Variants in ALAD observed in about 807,000 individuals in gnomAD.
ALAD encodes aminolevulinate dehydratase, also known as delta-aminolevulinic acid dehydratase.
ALAD carries 20 observed loss-of-function variants against 44.4 expected under a neutral mutation model. That is an observed-to-expected ratio of 0.45 (90% CI 0.32 to 0.65). ALAD has a LOEUF of 0.65. Ranked by LOEUF, ALAD falls within the 30% of genes least tolerant of loss-of-function variation. The probability of loss-of-function intolerance (pLI) is 0.05; values close to 1 mark genes in which losing one functional copy is unlikely to be tolerated. For missense variants in ALAD, 323 were observed against 445.7 expected, an observed-to-expected ratio of 0.72 and a Z score of 2.48; for synonymous variants, 156 against 167.9, an observed-to-expected ratio of 0.93 and a Z score of 0.55.
Position 113,388,443 on chromosome 9 carries a change from G to A in ALAD, c.932-82C>T, listed in dbSNP as rs192226264. ...ACCTTCTGCGATGGGAAGGCCAGGCGGGGAAGAAGGCTACCATGAAGAAGC... is the reference window on the plus strand; with the variant it reads ...ACCTTCTGCGATGGGAAGGCCAGGCAGGGAAGAAGGCTACCATGAAGAAGC... On this transcript the variant is annotated intron_variant, in intron 11 of 11. Coordinates refer to ENST00000409155, the MANE Select transcript of ALAD (RefSeq NM_000031.6). 44 of 1,309,658 alleles carry A rather than the reference G, an allele frequency of 3.4e-5. 1 individual carries two copies. In the East Asian group the frequency reaches 8.5e-4, roughly 25 times the overall value. The allele number at this position is 1,309,658 out of a possible 1,614,324, so 81.1% of individuals were successfully genotyped here.
rs1486645309 is a variant in ALAD, at chr9:113,387,978, C to T, written c.*322G>A. On this transcript the variant is annotated 3_prime_UTR_variant, in exon 12 of 12. Transcript: ENST00000409155. The stretch of plus-strand genomic sequence containing the variant: ...GCTCCAAGACCCTCTCCCAGCCAGG[C>T]CCCAAAGGCTGTGCCCCCGACTCCA... 2 of 412,882 alleles carry T rather than the reference C, an allele frequency of 4.8e-6. No homozygotes were observed. Among genetic ancestry groups the T allele is most frequent in the East Asian group, 5.4e-5 (1 of 18,426 alleles). The allele number at this position is 412,882 out of a possible 1,614,324, so 25.6% of individuals were successfully genotyped here.
chr9:113,389,648 C>T lies in ALAD; in HGVS notation c.665G>A (p.Arg222His), dbSNP rs956235996. Reference sequence around the variant, plus strand: ...TGCTCCAGGGGGCAGCTGGTAGCAGCGGCGGTCCCCAAAAGCTGGGCTTGA... The same window carrying T: ...TGCTCCAGGGGGCAGCTGGTAGCAGTGGCGGTCCCCAAAAGCTGGGCTTGA... ...AKSSPAFGDR[R>H]CYQLPPGARG... is the part of the protein sequence containing the mutation. Residue 222 changes from arginine (R) to histidine (H), a missense_variant, in exon 9 of 12, where the codon CGC (arginine) becomes CAC (histidine). Transcript: ENST00000409155. 76 of 1,614,066 alleles carry T rather than the reference C, an allele frequency of 4.7e-5. No homozygotes were observed. The highest frequency in any genetic ancestry group is 5.8e-5 in the Non-Finnish European group (68 of 1,180,058).
Position 113,390,468 on chromosome 9 carries a change from G to A in ALAD, c.507C>T (p.Asp169=), listed in dbSNP as rs1827542129. The A allele has an allele frequency of 1.2e-6, 2 of 1,614,128 alleles. No homozygotes were observed. The highest frequency in any genetic ancestry group is 2.2e-5 in the East Asian group (1 of 44,868). ...KAGCQVVAPS[D]MMDGRVEAIK... ...TGGCTTCCACGCGTCCATCCATCATGTCCGACGGGGCTACCACCTGACATC... is the reference window on the plus strand; with the variant it reads ...TGGCTTCCACGCGTCCATCCATCATATCCGACGGGGCTACCACCTGACATC... Residue 169 remains aspartate (D), a synonymous_variant, in exon 7 of 12, where the codon GAC becomes GAT. Coordinates refer to ENST00000409155, the MANE Select transcript of ALAD (RefSeq NM_000031.6).
At chr9:113,392,030 T>A in intron 3 of ALAD, 89 bp downstream of exon 3, 2 of 1,285,434 alleles carry the variant, frequency 1.6e-6, no homozygotes, top group Non-Finnish European at 2.2e-6. Flanking sequence ...CATCTTCTAC[T>A]TCCTAGGTCT....
intron 1 of ALAD, among the ~76,000 whole-genome samples, chr9:113,395,583 G>A (rs1657419086): frequency 6.6e-6 from 1 of 152,232 alleles, no homozygotes. Context: ...GGAAGCTGGG[G>A]CATTAACATT....
intron 1 of ALAD, among the ~76,000 whole-genome samples, chr9:113,394,032 G>A (rs184340862): frequency 1.0e-3 from 151 of 150,438 alleles, no homozygotes; most frequent in African/African-American, 3.6e-3. Context: ...TTGACCTCCC[G>A]GGCTCAACTG....
rs560079133 is a variant in ALAD at position 113,387,798 on chromosome 9, C to T, written c.*502G>A. The T allele has an allele frequency of 4.7e-6, 1 of 211,266 alleles. No homozygotes were observed. Among genetic ancestry groups the T allele is most frequent in the East Asian group, 1.1e-4 (1 of 9,020 alleles). The allele number at this position is 211,266 out of a possible 1,614,324, so 13.1% of individuals were successfully genotyped here. A position where few individuals can be genotyped will look rare whatever the true frequency, so the allele number is the denominator to read the frequency against. ...CCTCAGGCAGCCTGGCAACCTCTGGCCTCGTGGGAAATGCCTTCCAGTGGA... is the reference window on the plus strand; with the variant it reads ...CCTCAGGCAGCCTGGCAACCTCTGGTCTCGTGGGAAATGCCTTCCAGTGGA... On this transcript the variant is annotated 3_prime_UTR_variant, in exon 12 of 12. Transcript: ENST00000409155.
chr9:113,399,629 C>T (rs1267613333), intron 1 of ALAD, among the ~76,000 whole-genome samples: 4 of 152,214 alleles, frequency 2.6e-5, no homozygotes, highest in Non-Finnish European at 4.4e-5. Flanking sequence ...ATGAAAGTAT[C>T]TCCTCCCATG....
chr9:113,400,869 CG>C (rs1381675404), intron 1 of ALAD, among the ~76,000 whole-genome samples: 1 of 152,128 alleles, frequency 6.6e-6, no homozygotes, highest in Non-Finnish European at 1.5e-5. Flanking sequence ...ATGCACGCAA[CG>C]CTTAGTACAA....
chr9:113,393,206 T>C, intron 2 of ALAD: 2 of 567,152 alleles, frequency 3.5e-6, no homozygotes, highest in South Asian at 3.9e-5. Context: ...GAGCTCAGGA[T>C]GGCAGGCAAG....
intron 11 of ALAD, 45 bp from the exon 12 acceptor site, chr9:113,388,406 A>G: frequency 6.3e-7 from 1 of 1,582,322 alleles, no homozygotes; most frequent in Non-Finnish European, 8.7e-7. Context: ...GACGCTGATC[A>G]GCTCTGAGCA....
At position 113,398,064 on chromosome 9, in the gene ALAD, A is replaced by C. The variant is rs1827777965; in HGVS notation, c.-76+3148T>G. ...TGGGTTTTATATACTGTATTTCATA[A>C]TACTGATAAACACCTGATTCAGTAG... is the stretch of plus-strand genomic sequence containing the variant. On this transcript the variant is annotated intron_variant, in intron 1 of 11. Coordinates refer to ENST00000409155, the MANE Select transcript of ALAD (RefSeq NM_000031.6). The C allele has an allele frequency of 2.0e-5, 3 of 152,332 alleles. No homozygotes were observed. The South Asian group carries it at 6.2e-4, about 32-fold the overall frequency. The allele number at this position is 152,332 out of a possible 1,614,324, so 9.4% of individuals were successfully genotyped here.
chr9:113,389,177 C>G (rs1478122233), intron 10 of ALAD, 71 bp from the exon 11 acceptor site: 11 of 1,593,094 alleles, frequency 6.9e-6, no homozygotes, highest in Non-Finnish European at 8.6e-6. Context: ...TCCCTTCCCC[C>G]CTGCTCAATC....
At chr9:113,389,900 A>C in intron 7 of ALAD, 72 bp from the exon 8 acceptor site, 1 of 1,577,940 alleles carries the variant, frequency 6.3e-7, no homozygotes, top group South Asian at 1.1e-5. Context: ...TGGCAGGGAG[A>C]GAAAGAACCT....
chr9:113,396,640 T>C (rs1470573557), intron 1 of ALAD: 1 of 152,832 alleles, frequency 6.5e-6, no homozygotes, highest in African/African-American at 2.4e-5. Context: ...AGTGGCCTGG[T>C]TGACACCTGG....
At position 113,390,809 on chromosome 9, in the gene ALAD, T is replaced by C; in HGVS notation, c.386A>G (p.His129Arg). ...GGGAGGGAACTCACCGCAGTGACCA[T>C]GGGAGGTGTAGGGACACAGGCAGAC... is the stretch of plus-strand genomic sequence containing the variant. Reference protein sequence around the residue: ...CDVCLCPYTSHGHCGLLSENG... With the variant: ...CDVCLCPYTSRGHCGLLSENG... Residue 129 changes from histidine (H) to arginine (R), a missense_variant, in exon 5 of 12, where the codon CAT becomes CGT. Transcript: ENST00000409155. 1 of 1,611,446 alleles carries C rather than the reference T, an allele frequency of 6.2e-7. No individual in the cohort carries two copies. The highest frequency in any genetic ancestry group is 8.5e-7 in the Non-Finnish European group (1 of 1,178,966).
chr9:113,392,164 A>T lies in ALAD; in HGVS notation c.119T>A (p.Val40Asp), dbSNP rs1827604896. 2 of 1,613,978 alleles carry T rather than the reference A, an allele frequency of 1.2e-6. No individual in the cohort carries two copies. The highest frequency in any genetic ancestry group is 4.5e-5 in the East Asian group (2 of 44,876). ...GGTGATAGGCTGTATGTCATCAGGA[A>T]CATCCCTGCAAGAGCGGGGGTGGGA... Reference protein sequence around the residue: ...NLIYPIFVTDVPDDIQPITSL... With the variant: ...NLIYPIFVTDDPDDIQPITSL... The change falls in exon 3 of 12, where the codon GTT becomes GAT. Residue 40 changes from valine (V) to aspartate (D), a missense_variant. Val to Asp is a radical substitution (Grantham distance 152). Transcript: ENST00000409155.
chr9:113,389,743 C>T (rs1000211567), intron 8 of ALAD, 30 bp downstream of exon 8: 1 of 1,614,222 alleles, frequency 6.2e-7, no homozygotes, highest in Non-Finnish European at 8.5e-7. Flanking sequence ...GCCAGGGATT[C>T]ACAGCAGACC....
intron 2 of ALAD, 57 bp downstream of exon 2, chr9:113,393,390 C>CCCCAAA: frequency 3.0e-5 from 43 of 1,410,480 alleles, no homozygotes; most frequent in Middle Eastern, 1.8e-4. Flanking sequence ...AACACTCCCT[C>CCCCAAA]CCCAACCCCA....
Sources: allele counts gnomAD v4.1 joint callset (sites outside exome capture counted in the v4.1 genomes callset), GRCh38; gene constraint gnomAD v4.1.1; transcripts MANE v1.5; gene names NCBI Gene and HGNC (gene_info 2026-07-23, HGNC 2026-07-21).